The following PGCKA1 variants were observed in gnomAD, a reference collection of about 807,000 sequenced individuals.
The protein encoded by PGCKA1 is PDCD10 and GCKIII kinases-associated protein 1.
the PGCKA1 span, among the ~76,000 whole-genome samples, chr4:37,521,336 C>A: frequency 6.6e-5 from 10 of 152,304 alleles, no homozygotes; most frequent in East Asian, 1.9e-3. Context: ...CCTTAACTCC[C>A]AGATGGCACC....
At chr4:37,501,210 G>T in the PGCKA1 span, among the ~76,000 whole-genome samples, 1 of 151,914 alleles carries the variant, frequency 6.6e-6, no homozygotes, top group Non-Finnish European at 1.5e-5. Context: ...TATAGCAGGG[G>T]TCCCCAACCC....
At chr4:37,460,914 C>A in the PGCKA1 span, 1 of 397,642 alleles carries the variant, frequency 2.5e-6, no homozygotes. Flanking sequence ...TTTGCCCATG[C>A]CTATGTCCTG....
chr4:37,580,305 AT>A, the PGCKA1 span, among the ~76,000 whole-genome samples: 679 of 130,844 alleles, frequency 5.2e-3, 2 homozygotes, highest in African/African-American at 0.017. Context: ...CGGTGAGGTC[AT>A]TTTTTTTTTT....
the PGCKA1 span, among the ~76,000 whole-genome samples, chr4:37,509,932 G>T: frequency 6.8e-5 from 10 of 146,626 alleles, no homozygotes; most frequent in Middle Eastern, 3.5e-3. Flanking sequence ...AGCTTCGGCT[G>T]GGCATCAGAG....
At chr4:37,474,951 T>C in the PGCKA1 span, among the ~76,000 whole-genome samples, 1 of 152,162 alleles carries the variant, frequency 6.6e-6, no homozygotes, top group African/African-American at 2.4e-5. Flanking sequence ...AATTAGTAGA[T>C]TTTTTTCATT....
chr4:37,532,666 A>G, the PGCKA1 span, among the ~76,000 whole-genome samples: 1 of 152,222 alleles, frequency 6.6e-6, no homozygotes, highest in Non-Finnish European at 1.5e-5. Context: ...AGAACCACAG[A>G]GTAAAATCAT....
chr4:37,588,510 C>G, the PGCKA1 span: 1 of 209,236 alleles, frequency 4.8e-6, no homozygotes, highest in Non-Finnish European at 9.7e-6. Context: ...TAGAAGGTAA[C>G]AGATTAGAAA....
At chr4:37,536,280 T>A in the PGCKA1 span, among the ~76,000 whole-genome samples, 1 of 152,230 alleles carries the variant, frequency 6.6e-6, no homozygotes, top group Non-Finnish European at 1.5e-5. Context: ...TTCACTCCCC[T>A]TGAAAGGGCA....
the PGCKA1 span, among the ~76,000 whole-genome samples, chr4:37,539,002 TC>T: frequency 6.6e-6 from 1 of 152,126 alleles, no homozygotes; most frequent in African/African-American, 2.4e-5. Context: ...GCAATGATAA[TC>T]TATGCATACC....
At chr4:37,474,458 C>G in the PGCKA1 span, among the ~76,000 whole-genome samples, 8 of 152,282 alleles carry the variant, frequency 5.3e-5, no homozygotes, top group African/African-American at 1.9e-4. Context: ...CTTTGACCCC[C>G]TCAGTGCCTA....
the PGCKA1 span, among the ~76,000 whole-genome samples, chr4:37,462,570 TC>T: frequency 6.6e-6 from 1 of 152,164 alleles, no homozygotes; most frequent in East Asian, 1.9e-4. Flanking sequence ...ACTGATTTCC[TC>T]CCCTGCCTGA....
the PGCKA1 span, among the ~76,000 whole-genome samples, chr4:37,464,292 C>T: frequency 6.6e-6 from 1 of 152,188 alleles, no homozygotes; most frequent in Non-Finnish European, 1.5e-5. Context: ...GAGGGCTGGA[C>T]TCTCATCGGG....
the PGCKA1 span, among the ~76,000 whole-genome samples, chr4:37,522,527 A>G: frequency 6.6e-6 from 1 of 151,996 alleles, no homozygotes; most frequent in Non-Finnish European, 1.5e-5. Flanking sequence ...CTAACAGTCA[A>G]TTCCTGGAAT....
chr4:37,581,561 G>A, the PGCKA1 span, among the ~76,000 whole-genome samples: 3 of 152,064 alleles, frequency 2.0e-5, no homozygotes, highest in Non-Finnish European at 4.4e-5. The surrounding 1 kb of genome is among the most constrained non-coding windows in gnomAD (Gnocchi z 4.4). Context: ...TGGAATGGGG[G>A]CCTCATGACT....
the PGCKA1 span, among the ~76,000 whole-genome samples, chr4:37,500,646 G>A: frequency 6.6e-6 from 1 of 152,194 alleles, no homozygotes; most frequent in Non-Finnish European, 1.5e-5. Context: ...ATTTGATCCA[G>A]TGCTGAGTTC....
At chr4:37,536,093 G>A in the PGCKA1 span, among the ~76,000 whole-genome samples, 1 of 152,218 alleles carries the variant, frequency 6.6e-6, no homozygotes, top group South Asian at 2.1e-4. Context: ...AAAACTGGGT[G>A]TGACACGAGT....
the PGCKA1 span, among the ~76,000 whole-genome samples, chr4:37,540,823 G>T: frequency 3.9e-5 from 6 of 152,104 alleles, no homozygotes; most frequent in Non-Finnish European, 8.8e-5. Context: ...CCATCAAAGA[G>T]AAATGGGAAA....
chr4:37,566,287 T>A, the PGCKA1 span, among the ~76,000 whole-genome samples: 7,004 of 151,972 alleles, frequency 0.046, 408 homozygotes, highest in East Asian at 0.14. Flanking sequence ...ATTTTATTTT[T>A]TTTTGCTTTT....
the PGCKA1 span, among the ~76,000 whole-genome samples, chr4:37,479,059 A>G: frequency 6.6e-6 from 1 of 152,240 alleles, no homozygotes; most frequent in African/African-American, 2.4e-5. Flanking sequence ...ACAGCAAAGC[A>G]GAAAATGTCA....
Sources: allele counts gnomAD v4.1 joint callset (sites outside exome capture counted in the v4.1 genomes callset), GRCh38; gene constraint gnomAD v4.1.1; non-coding constraint Gnocchi (gnomAD v3.1); transcripts MANE v1.5; gene names NCBI Gene and HGNC (gene_info 2026-07-23, HGNC 2026-07-21).